Variants in CSPG4 observed in about 807,000 individuals in gnomAD.
The protein encoded by CSPG4 is chondroitin sulfate proteoglycan 4 (melanoma-associated).
Under a neutral mutation model 139.3 loss-of-function variants are expected in CSPG4, and 74 were observed. The ratio of observed to expected loss-of-function variants is 0.53; its 90% CI spans 0.44 to 0.64. The LOEUF (loss-of-function observed/expected upper bound fraction) is 0.64, where lower values mean the gene tolerates loss of function less well. Ranked by LOEUF, CSPG4 falls within the 30% of genes least tolerant of loss-of-function variation. The pLI is 0.00. For missense variants in CSPG4, 2,565 were observed against 3,148.3 expected (o/e 0.81, Z 4.43); for synonymous variants, 1,234 against 1,394.2 (o/e 0.89, Z 2.56).
At chr15:75,686,609 G>A (rs1185322542) in intron 3 of CSPG4, among the ~76,000 whole-genome samples, 19 of 152,282 alleles carry the variant, frequency 1.2e-4, no homozygotes, top group Admixed American at 5.9e-4. Flanking sequence ...TTCAGAGCCC[G>A]GCCCAAACGC....
chr15:75,676,733 A>T lies in CSPG4; in HGVS notation c.5786T>A (p.Leu1929Gln). Residue 1929 changes from leucine to glutamine, a missense_variant, in exon 10 of 10, where the codon CTG (leucine) becomes CAG (glutamine). Physicochemically the swap from Leu to Gln is moderately radical, Grantham distance 113. This residue lies in a region of CSPG4 where 2,316 missense variants were observed against 2,818.2 expected (regional missense o/e 0.82). Coordinates refer to ENST00000308508, the MANE Select transcript of CSPG4 (RefSeq NM_001897.5). ...LSMSDGASPP[L>Q]PMSLAVDILP... is the part of the protein sequence containing the mutation. ...GATGTCCACAGCCAGGGACATGGGCAGGGGTGGGCTGGCCCCATCAGACAT... is the reference window on the plus strand; with the variant it reads ...GATGTCCACAGCCAGGGACATGGGCTGGGGTGGGCTGGCCCCATCAGACAT... 6.3e-7 allele frequency: 1 copy of T among 1,578,046 alleles called. No homozygotes were observed. The highest frequency in any genetic ancestry group is 8.6e-7 in the Non-Finnish European group (1 of 1,160,426).
rs74386492 is a variant in CSPG4, at chr15:75,690,399, G to A, written c.666C>T (p.Asp222=). 241 of 1,609,020 alleles carry A rather than the reference G, an allele frequency of 1.5e-4. No homozygotes were observed. The African/African-American group carries it at 2.7e-3, about 18-fold the overall frequency. ...LAAFPAWGTQ[D]EGTLEFTLTT... ...TGAGTGTAAACTCTAGGGTTCCTTC[G>A]TCCTGAGTGCCCCAGGCAGGGAAGG... Residue 222 remains aspartate, a synonymous_variant, in exon 3 of 10, where the codon GAC becomes GAT. Transcript: ENST00000308508.
Position 75,698,588 on chromosome 15 carries a change from G to A in CSPG4, c.89-5355C>T, listed in dbSNP as rs567917851. Among the ~76,000 whole-genome samples, 2 of 152,212 alleles carry A rather than the reference G, an allele frequency of 1.3e-5. No homozygotes were observed. Among genetic ancestry groups the A allele is most frequent in the East Asian group, 3.9e-4 (2 of 5,160 alleles). On this transcript the variant is annotated intron_variant, in intron 1 of 9. Transcript: ENST00000308508. This position sits in a 1 kb window ranked among gnomAD's most constrained non-coding sequence, Gnocchi z 4.3. ...AGTGTCACATGTACACACGTGTGTG[G>A]CGGCAAGGCAGGCGAGGAAGGGGTG...
chr15:75,701,915 G>A (rs1408731574), intron 1 of CSPG4, among the ~76,000 whole-genome samples: 3 of 152,122 alleles, frequency 2.0e-5, no homozygotes, highest in Non-Finnish European at 4.4e-5. Context: ...CCTCCCCACA[G>A]CCACTGCTGA....
intron 1 of CSPG4, among the ~76,000 whole-genome samples, chr15:75,708,724 C>T (rs1279355216): frequency 1.3e-5 from 2 of 152,214 alleles, no homozygotes; most frequent in Non-Finnish European, 2.9e-5. Flanking sequence ...TCAGTTTCCT[C>T]ATCTGTAAAA....
At chr15:75,710,782 C>A (rs2141443534) in intron 1 of CSPG4, among the ~76,000 whole-genome samples, 1 of 152,232 alleles carries the variant, frequency 6.6e-6, no homozygotes, top group East Asian at 1.9e-4. Context: ...GGGCAGGCAG[C>A]TGGACCAGGA....
rs748564532 is a variant in CSPG4 at position 75,676,119 on chromosome 15, C to A, written c.6400G>T (p.Ala2134Ser). 4.6e-6 allele frequency: 7 copies of A among 1,537,032 alleles called. No homozygotes were observed. The African/African-American group carries it at 9.6e-5, about 21-fold the overall frequency. The change falls in exon 10 of 10, where the codon GCC (alanine) becomes TCC (serine). Residue 2134 changes from alanine to serine, a missense_variant. Physicochemically the swap from Ala to Ser is moderately conservative, Grantham distance 99 (BLOSUM62 1). Coordinates refer to ENST00000308508, the MANE Select transcript of CSPG4 (RefSeq NM_001897.5). ...GLEVGRPEGR[A>S]PGPAGDSLTL... ...AGACTGTCACCTGCGGGGCCGGGGGCCCTCCCCTCTGGCCTGCCCACCTCC... is the reference window on the plus strand; with the variant it reads ...AGACTGTCACCTGCGGGGCCGGGGGACCTCCCCTCTGGCCTGCCCACCTCC...
Position 75,687,333 on chromosome 15 carries a change from G to A in CSPG4, c.3732C>T (p.His1244=). 1 of 1,612,488 alleles carries A rather than the reference G, an allele frequency of 6.2e-7. No homozygotes were observed. Among genetic ancestry groups the A allele is most frequent in the Non-Finnish European group, 8.5e-7 (1 of 1,180,032 alleles). ...CTCCCTGGAAGACGTAGATCTTCTT[G>A]TGCCGGACCAGCTTCAGTGGGGCCA... ...GPLAPLKLVR[H]KKIYVFQGEA... The change falls in exon 3 of 10, where the codon CAC becomes CAT. Residue 1244 remains histidine (H), a synonymous_variant. Coordinates refer to ENST00000308508, the MANE Select transcript of CSPG4 (RefSeq NM_001897.5). This position sits in a 1 kb window ranked among gnomAD's most constrained non-coding sequence, Gnocchi z 5.4.
At chr15:75,682,532 C>T (rs1321368110) in intron 7 of CSPG4, 73 bp from the exon 8 acceptor site, 29 of 1,591,178 alleles carry the variant, frequency 1.8e-5, no homozygotes, top group South Asian at 1.8e-4. Flanking sequence ...AAAGAGGCAG[C>T]GTGACCCTGG....
At position 75,674,460 on chromosome 15, in the gene CSPG4, A is replaced by T. The variant is rs1893861125; in HGVS notation, c.*1090T>A. 2.8e-6 allele frequency: 1 copy of T among 358,432 alleles called. No homozygotes were observed. Among genetic ancestry groups the T allele is most frequent in the Non-Finnish European group, 5.0e-6 (1 of 200,476 alleles). 22.2% of individuals were successfully genotyped at this position (358,432 alleles called of 1,614,324 possible). On this transcript the variant is annotated 3_prime_UTR_variant, in exon 10 of 10. Transcript: ENST00000308508. ...CTGCCCACACAGGTGGGGGCACAGGAGGTCTGGGAGGCCCCAGGAGGTGGA... is the reference window on the plus strand; with the variant it reads ...CTGCCCACACAGGTGGGGGCACAGGTGGTCTGGGAGGCCCCAGGAGGTGGA...
intron 1 of CSPG4, among the ~76,000 whole-genome samples, chr15:75,699,020 T>C (rs577375805): frequency 1.3e-5 from 2 of 152,252 alleles, no homozygotes; most frequent in East Asian, 3.9e-4. Context: ...TTAGCAACTC[T>C]TCCTGGCTGC....
rs745472324 is a variant in CSPG4, at chr15:75,684,888, C to T, written c.4297G>A (p.Val1433Met). ...GTCAGTGTCTCGCTCCCGTCATGCA[C>T]GTAGCGGATCAGCTGCTCTTCCACC... is the stretch of plus-strand genomic sequence containing the variant. ...RMVEEQLIRYVHDGSETLTDS... is the reference protein window; with the variant it reads ...RMVEEQLIRYMHDGSETLTDS... Residue 1433 changes from valine to methionine, a missense_variant, in exon 5 of 10, where the codon GTG becomes ATG. Val to Met is a conservative substitution (Grantham distance 21). Transcript: ENST00000308508. 14 of 1,610,828 alleles carry T rather than the reference C, an allele frequency of 8.7e-6. 1 individual carries two copies. The highest frequency in any genetic ancestry group is 5.5e-5 in the South Asian group (5 of 91,038).
chr15:75,703,557 C>CA (rs1894332037), intron 1 of CSPG4, among the ~76,000 whole-genome samples: 1 of 152,298 alleles, frequency 6.6e-6, no homozygotes, highest in South Asian at 2.1e-4. Context: ...GGGGAAGGCC[C>CA]AGGCCTGTTG....
intron 1 of CSPG4, among the ~76,000 whole-genome samples, chr15:75,706,595 G>A (rs1303180963): frequency 6.6e-6 from 1 of 152,170 alleles, no homozygotes; most frequent in Non-Finnish European, 1.5e-5. Context: ...GGCCATCCAG[G>A]TCATGGGTCT....
chr15:75,690,719 C>G lies in CSPG4; in HGVS notation c.346G>C (p.Val116Leu). The change falls in exon 3 of 10, where the codon GTC becomes CTC. Residue 116 changes from valine to leucine, a missense_variant. Physicochemically the swap from Val to Leu is conservative, Grantham distance 32 (BLOSUM62 1). Around this residue, in one of 5 missense-constraint regions of CSPG4, gnomAD observed 132 missense variants for 132.3 expected, o/e 1.00. Transcript: ENST00000308508. ...GACAACGTGGCCCAGCCCTCTACGA[C>G]AGTCAGCACCACAGTGTGGGGGATG... ...DSIPHTVVLTVVEGWATLSVD... is the reference protein window; with the variant it reads ...DSIPHTVVLTLVEGWATLSVD... The G allele has an allele frequency of 1.2e-6, 2 of 1,613,196 alleles. No individual in the cohort carries two copies. Among genetic ancestry groups the G allele is most frequent in the Non-Finnish European group, 1.7e-6 (2 of 1,180,026 alleles).
At chr15:75,712,586 G>A (rs1262401904) in intron 1 of CSPG4, 82 bp downstream of exon 1, 1 of 1,361,544 alleles carries the variant, frequency 7.3e-7, no homozygotes, top group African/African-American at 1.5e-5. Flanking sequence ...GGCCACTTCT[G>A]GCTCCTCCTG....
chr15:75,685,026 T>TGG, intron 4 of CSPG4, 114 bp from the exon 5 acceptor site: 7 of 1,296,118 alleles, frequency 5.4e-6, no homozygotes, highest in Non-Finnish European at 7.5e-6. Flanking sequence ...TGGTAGAAAA[T>TGG]GGGGACCATA....
rs542043902 is a variant in CSPG4, at chr15:75,687,133, C to T, written c.3789+143G>A. Reference sequence around the variant, plus strand: ...GAAACTCCTGGGAGCACAACATATACGGGAGCACATCTGAGGCACGTGCAC... The same window carrying T: ...GAAACTCCTGGGAGCACAACATATATGGGAGCACATCTGAGGCACGTGCAC... On this transcript the variant is annotated intron_variant, in intron 3 of 9. Coordinates refer to ENST00000308508, the MANE Select transcript of CSPG4 (RefSeq NM_001897.5). The surrounding 1 kb of genome is among the most constrained non-coding windows in gnomAD (Gnocchi z 5.4). The T allele has an allele frequency of 2.9e-5, 27 of 943,964 alleles. No homozygotes were observed. The highest frequency in any genetic ancestry group is 1.2e-4 in the East Asian group (5 of 41,424). 58.5% of individuals were successfully genotyped at this position (943,964 alleles called of 1,614,324 possible).
intron 1 of CSPG4, among the ~76,000 whole-genome samples, chr15:75,707,718 G>T (rs913055645): frequency 2.4e-4 from 37 of 152,250 alleles, no homozygotes; most frequent in South Asian, 8.3e-4. Flanking sequence ...CATGAATTGG[G>T]GTGGGGCAGG....
Sources: gnomAD v4.1 joint callset for allele counts (sites outside exome capture counted in the v4.1 genomes callset) on GRCh38, gnomAD v4.1.1 for gene constraint, gnomAD v4.1.1 regional missense constraint, Gnocchi (gnomAD v3.1) non-coding constraint, MANE v1.5 for transcripts, NCBI Gene and HGNC (gene_info 2026-07-23, HGNC 2026-07-21) for gene names.